C9orf72: variants seen among roughly 807,000 people sequenced by gnomAD.
The protein encoded by C9orf72 is C9orf72-SMCR8 complex subunit.
A neutral mutation model predicts 51.6 loss-of-function variants in C9orf72; 44 were observed. The ratio of observed to expected loss-of-function variants is 0.85; its 90% CI spans 0.67 to 1.10. The LOEUF is 1.10. Among genes scored for constraint, C9orf72 ranks in the 50% least tolerant of loss-of-function variants. The pLI is 0.00. For missense variants in C9orf72, 607 were observed against 570.6 expected (o/e 1.06, Z -0.65); for synonymous variants, 213 against 194.2 (o/e 1.10, Z -0.81).
intron 1 of C9orf72, among the ~76,000 whole-genome samples, 186 bp from the exon 2 acceptor site, chr9:27,567,350 A>C (rs1819493406): frequency 6.6e-6 from 1 of 152,224 alleles, no homozygotes; most frequent in Non-Finnish European, 1.5e-5. Context: ...TGTTGATATG[A>C]TCATTTTACA....
intron 8 of C9orf72, 95 bp downstream of exon 8, chr9:27,556,466 T>G (rs17769246): frequency 0.018 from 14,286 of 774,752 alleles, 220 homozygotes; most frequent in African/African-American, 0.038. Flanking sequence ...TAATATTTCT[T>G]TCTTTTTAAA....
At position 27,558,583 on chromosome 9, in the gene C9orf72, GAA is replaced by G. The variant is rs1819265290; in HGVS notation, c.761_762del (p.Phe254SerfsTer13). ...VNKIVRTLCLFLTPAERKCSR... is the reference protein window; with the variant it reads ...VNKIVRTLCLXLTPAERKCSR... ...GAGCATTTTCTCTCTGCTGGAGTCA[GAA>G]AAAGGCATAATGTTCTGACTATCTA... On this transcript the variant is annotated frameshift_variant, in exon 7 of 11. Coordinates refer to ENST00000380003, the MANE Select transcript of C9orf72 (RefSeq NM_018325.5). LOFTEE classifies it high-confidence loss of function. 4.4e-6 allele frequency: 7 copies of G among 1,596,666 alleles called. No individual in the cohort carries two copies. Among genetic ancestry groups the G allele is most frequent in the Non-Finnish European group, 6.0e-6 (7 of 1,171,212 alleles).
chr9:27,561,695 G>C (rs187657242), intron 4 of C9orf72, 46 bp from the exon 5 acceptor site: 2 of 1,220,868 alleles, frequency 1.6e-6, no homozygotes, highest in Non-Finnish European at 2.4e-6. Flanking sequence ...CTGTAACATA[G>C]TGTTGAAATA....
chr9:27,569,941 C>A (rs1280325476), intron 1 of C9orf72, among the ~76,000 whole-genome samples: 1 of 152,166 alleles, frequency 6.6e-6, no homozygotes, highest in Non-Finnish European at 1.5e-5. Context: ...TGATGGAAAG[C>A]ACTGACTTCT....
At chr9:27,571,795 C>G (rs1257486742) in intron 1 of C9orf72, among the ~76,000 whole-genome samples, 2 of 152,110 alleles carry the variant, frequency 1.3e-5, no homozygotes, top group African/African-American at 4.8e-5. Context: ...TTCTCCCAGC[C>G]CAAAGAGAAG....
At position 27,566,672 on chromosome 9, in the gene C9orf72, C is replaced by T; in HGVS notation, c.444+5G>A. ...ACATGATTAATAAGCTGAAAAATCA[C>T]TTACCTTATGCATCCATATTCTTCC... On this transcript the variant is annotated splice_donor_5th_base_variant and intron_variant, in intron 2 of 10. Transcript: ENST00000380003. The T allele has an allele frequency of 6.4e-7, 1 of 1,567,592 alleles. No individual in the cohort carries two copies. The highest frequency in any genetic ancestry group is 1.4e-5 in the African/African-American group (1 of 73,300).
chr9:27,559,723 T>C (rs774356), intron 6 of C9orf72: 34,310 of 152,046 alleles, frequency 0.23, 4,043 homozygotes, highest in Middle Eastern at 0.33. Context: ...TAATCCTTAA[T>C]TAACTCAAGT....
Position 27,558,484 on chromosome 9 carries a change from A to C in C9orf72, c.855+7T>G. 1 of 1,465,428 alleles carries C rather than the reference A, an allele frequency of 6.8e-7. No homozygotes were observed. Among genetic ancestry groups the C allele is most frequent in the Non-Finnish European group, 9.4e-7 (1 of 1,059,718 alleles). The allele number at this position is 1,465,428 out of a possible 1,614,324, so 90.8% of individuals were successfully genotyped here. A position where few individuals can be genotyped will look rare whatever the true frequency, so the allele number is the denominator to read the frequency against. On this transcript the variant is annotated splice_region_variant and intron_variant, in intron 7 of 10. Transcript: ENST00000380003. ...GTGGTTTCACTTGTGATAACTAGAAACTATACCTTTAGCAGGCCTTGTACA... is the reference window on the plus strand; with the variant it reads ...GTGGTTTCACTTGTGATAACTAGAACCTATACCTTTAGCAGGCCTTGTACA...
At chr9:27,559,584 A>G (rs1287329201) in intron 6 of C9orf72, 2 of 152,274 alleles carry the variant, frequency 1.3e-5, no homozygotes, top group Admixed American at 1.3e-4. Flanking sequence ...ACTTTTTTTA[A>G]AAAATTAGGT....
chr9:27,561,546 T>C (rs1819348377), intron 5 of C9orf72, 39 bp downstream of exon 5: 2 of 1,608,098 alleles, frequency 1.2e-6, no homozygotes, highest in Non-Finnish European at 1.7e-6. Flanking sequence ...TAAGATGGTA[T>C]CTGCTTCATC....
chr9:27,558,670 A>C, intron 6 of C9orf72, 63 bp from the exon 7 acceptor site: 1 of 801,598 alleles, frequency 1.2e-6, no homozygotes, highest in Middle Eastern at 3.7e-4. Context: ...TTGCTTATGA[A>C]AGATATCTGA....
At chr9:27,549,249 A>T (rs1046426965) in intron 9 of C9orf72, among the ~76,000 whole-genome samples, 1 of 152,236 alleles carries the variant, frequency 6.6e-6, no homozygotes, top group African/African-American at 2.4e-5. Context: ...AAACTCATAC[A>T]TAAGTTATTT....
chr9:27,559,271 A>AG (rs1385492050), intron 6 of C9orf72: 1 of 150,604 alleles, frequency 6.6e-6, no homozygotes, highest in Non-Finnish European at 1.5e-5. Flanking sequence ...AAATGTTTAA[A>AG]AAAAAAAAAA....
chr9:27,573,517 CGACCA>C (rs1563908984), upstream of C9orf72: 700 of 42,360 alleles, frequency 0.017, 10 homozygotes, highest in African/African-American at 0.064. Context: ...GGGCCCGCCC[CGACCA>C]CGCCCCGGCC....
At chr9:27,564,853 C>G (rs1224628467) in intron 3 of C9orf72, among the ~76,000 whole-genome samples, 2 of 152,096 alleles carry the variant, frequency 1.3e-5, no homozygotes, top group Non-Finnish European at 2.9e-5. Context: ...ACTGGAGATT[C>G]TCCTTCAAAA....
intron 4 of C9orf72, 112 bp downstream of exon 4, chr9:27,562,269 A>T (rs1432623847): frequency 2.4e-6 from 1 of 410,002 alleles, no homozygotes; most frequent in Non-Finnish European, 4.2e-6. Context: ...GTATGTGAAT[A>T]GTATGTATGA....
chr9:27,565,026 T>C (rs1819433416), intron 3 of C9orf72, among the ~76,000 whole-genome samples: 1 of 152,108 alleles, frequency 6.6e-6, no homozygotes, highest in African/African-American at 2.4e-5. Flanking sequence ...GTAAGAAATA[T>C]CACTGACAAA....
chr9:27,555,628 A>C (rs60613335), intron 8 of C9orf72, among the ~76,000 whole-genome samples: 1 of 150,530 alleles, frequency 6.6e-6, no homozygotes, highest in African/African-American at 2.5e-5. Flanking sequence ...CTGGCACATC[A>C]TAACTCCCTG....
At position 27,548,315 on chromosome 9, in the gene C9orf72, T is replaced by G; in HGVS notation, c.1367A>C (p.Lys456Thr). Residue 456 changes from lysine to threonine, a missense_variant, in exon 11 of 11, where the codon AAA (lysine) becomes ACA (threonine). Lys to Thr is a moderately conservative substitution (Grantham distance 78). Transcript: ENST00000380003. ...NIIMALAEKI[K>T]PGLHSFIFGR... ...AAAGATAAAAGAGTGTAGGCCTGGT[T>G]TAATTTTCTCAGCCAGAGCCATTAT... is the stretch of plus-strand genomic sequence containing the variant. 1 of 1,613,328 alleles carries G rather than the reference T, an allele frequency of 6.2e-7. No individual in the cohort carries two copies. Among genetic ancestry groups the G allele is most frequent in the Non-Finnish European group, 8.5e-7 (1 of 1,179,534 alleles).
Sources: gnomAD v4.1 joint callset for allele counts (sites outside exome capture counted in the v4.1 genomes callset) on GRCh38, gnomAD v4.1.1 for gene constraint, MANE v1.5 for transcripts, NCBI Gene and HGNC (gene_info 2026-07-23, HGNC 2026-07-21) for gene names.